Variants in MTMR7 observed in about 807,000 individuals in gnomAD.
MTMR7 encodes the protein myotubularin related protein 7.
A neutral mutation model predicts 81.2 loss-of-function variants in MTMR7; 76 were observed. That is an observed-to-expected ratio of 0.94 (90% CI 0.78 to 1.13). The LOEUF is 1.13. Among genes scored for constraint, MTMR7 ranks in the 50% most tolerant of loss-of-function variants. The pLI is 0.00. For missense variants in MTMR7, 1,044 were observed against 820.0 expected (o/e 1.27, Z -3.34); for synonymous variants, 372 against 289.8 (o/e 1.28, Z -2.88).
chr8:17,313,169 A>G, intron 8 of MTMR7, 123 bp downstream of exon 8: 2 of 613,584 alleles, frequency 3.3e-6, no homozygotes, highest in Admixed American at 2.8e-5. Flanking sequence ...AGCTCTACAA[A>G]GCTGGCTATC....
intron 12 of MTMR7, 89 bp from the exon 13 acceptor site, chr8:17,302,369 C>A: frequency 7.3e-7 from 1 of 1,371,566 alleles, no homozygotes; most frequent in South Asian, 1.5e-5. Context: ...TATGATACCA[C>A]AGTCTTAATA....
intron 5 of MTMR7, among the ~76,000 whole-genome samples, chr8:17,345,406 T>C (rs751720010): frequency 6.6e-6 from 1 of 152,226 alleles, no homozygotes; most frequent in Non-Finnish European, 1.5e-5. Context: ...CTCCTGATAC[T>C]ACACAGCCTG....
intron 12 of MTMR7, among the ~76,000 whole-genome samples, chr8:17,304,025 A>G (rs908931819): frequency 1.1e-4 from 16 of 152,332 alleles, no homozygotes; most frequent in African/African-American, 3.4e-4. Flanking sequence ...TTTTGCTCCA[A>G]CCTTAACACG....
At chr8:17,345,714 C>T (rs1819534231) in intron 5 of MTMR7, among the ~76,000 whole-genome samples, 1 of 152,228 alleles carries the variant, frequency 6.6e-6, no homozygotes, top group Middle Eastern at 3.2e-3. Context: ...AAGATGGACC[C>T]TCCACAGGGG....
At chr8:17,306,502 T>C (rs1161857581) in intron 10 of MTMR7, among the ~76,000 whole-genome samples, 2 of 152,204 alleles carry the variant, frequency 1.3e-5, no homozygotes, top group African/African-American at 4.8e-5. Flanking sequence ...CATGTATTTT[T>C]CTTTTATCTC....
intron 1 of MTMR7, among the ~76,000 whole-genome samples, chr8:17,396,587 G>A (rs1392435463): frequency 2.6e-5 from 4 of 152,118 alleles, no homozygotes; most frequent in Admixed American, 1.3e-4. Context: ...TTGAATTCTG[G>A]CAAGCCTCAC....
rs549356732 is a variant in MTMR7, at chr8:17,325,568, G to A, written c.865+5582C>T. On this transcript the variant is annotated intron_variant, in intron 7 of 13. Coordinates refer to ENST00000180173, the MANE Select transcript of MTMR7 (RefSeq NM_004686.5). ...TCATTCAGTCCCTGACCGTACGATC[G>A]CCCACATGCCTGAGCTGACGCGGGG... 6.6e-5 allele frequency among the ~76,000 whole-genome samples: 10 copies of A among 152,216 alleles called. No homozygotes were observed. The South Asian group carries it at 1.2e-3, about 19-fold the overall frequency.
intron 12 of MTMR7, among the ~76,000 whole-genome samples, chr8:17,303,269 G>A (rs1412775561): frequency 6.6e-6 from 1 of 152,056 alleles, no homozygotes; most frequent in African/African-American, 2.4e-5. Context: ...CTTAAAACTT[G>A]TCTTACATGC....
chr8:17,377,151 T>A (rs566741194), intron 1 of MTMR7, among the ~76,000 whole-genome samples: 1 of 152,254 alleles, frequency 6.6e-6, no homozygotes, highest in East Asian at 1.9e-4. Context: ...TATGATTACA[T>A]CAATTAATCA....
intron 4 of MTMR7, among the ~76,000 whole-genome samples, chr8:17,356,961 C>A (rs1216450603): frequency 2.0e-5 from 3 of 152,128 alleles, no homozygotes; most frequent in Admixed American, 6.5e-5. Flanking sequence ...TCTATATACT[C>A]TCTAGCTCAT....
At chr8:17,328,032 A>G (rs1304084136) in intron 7 of MTMR7, among the ~76,000 whole-genome samples, 16 of 152,230 alleles carry the variant, frequency 1.1e-4, no homozygotes. Context: ...ACATTGATGA[A>G]TAAGTGGTCA....
At position 17,298,557 on chromosome 8, in the gene MTMR7, G is replaced by C. The variant is rs1379543670; in HGVS notation, c.*1305C>G. The C allele has an allele frequency of 6.6e-6, 1 of 152,192 alleles. No individual in the cohort carries two copies. The highest frequency in any genetic ancestry group is 2.4e-5 in the African/African-American group (1 of 41,330). The allele number at this position is 152,192 out of a possible 1,614,324, so 9.4% of individuals were successfully genotyped here. The stretch of plus-strand genomic sequence containing the variant: ...ATAATTCTCCCATTAAAAAAAATCA[G>C]ATATTCAAAATATTGATGTAAATTG... On this transcript the variant is annotated 3_prime_UTR_variant, in exon 14 of 14. Coordinates refer to ENST00000180173, the MANE Select transcript of MTMR7 (RefSeq NM_004686.5).
chr8:17,301,405 C>G (rs529079867), intron 13 of MTMR7, among the ~76,000 whole-genome samples: 1 of 152,250 alleles, frequency 6.6e-6, no homozygotes, highest in African/African-American at 2.4e-5. Flanking sequence ...GTAAGCATTC[C>G]TGACAGGAGT....
chr8:17,408,622 T>C (rs1275506119), intron 1 of MTMR7, among the ~76,000 whole-genome samples: 1 of 151,954 alleles, frequency 6.6e-6, no homozygotes, highest in African/African-American at 2.4e-5. Context: ...GATAAGACAA[T>C]GAATGAGGTA....
intron 8 of MTMR7, among the ~76,000 whole-genome samples, chr8:17,312,556 CAG>C (rs1309269404): frequency 8.7e-6 from 1 of 115,170 alleles, no homozygotes; most frequent in Non-Finnish European, 1.6e-5. Context: ...GCCTGGGTGA[CAG>C]AGCGAGACTC....
intron 3 of MTMR7, 78 bp from the exon 4 acceptor site, chr8:17,361,352 C>G: frequency 6.5e-7 from 1 of 1,541,098 alleles, no homozygotes; most frequent in Non-Finnish European, 8.9e-7. Flanking sequence ...CATTCTGTCC[C>G]ACCTGGAGTG....
intron 4 of MTMR7, among the ~76,000 whole-genome samples, chr8:17,352,427 T>G (rs1181914234): frequency 6.6e-6 from 1 of 152,092 alleles, no homozygotes; most frequent in Non-Finnish European, 1.5e-5. Context: ...GGTCATATCT[T>G]GTACTATATA....
intron 1 of MTMR7, among the ~76,000 whole-genome samples, chr8:17,402,161 T>C (rs992150114): frequency 6.6e-6 from 1 of 152,202 alleles, no homozygotes; most frequent in African/African-American, 2.4e-5. Context: ...GATACTTTGA[T>C]ACAGGCATGC....
intron 1 of MTMR7, among the ~76,000 whole-genome samples, chr8:17,377,625 G>C (rs1427351514): frequency 2.6e-5 from 4 of 152,036 alleles, no homozygotes; most frequent in Non-Finnish European, 5.9e-5. Context: ...CAGTCAGTTT[G>C]TTAACTGTCA....
Sources: allele counts gnomAD v4.1 joint callset (sites outside exome capture counted in the v4.1 genomes callset), GRCh38; gene constraint gnomAD v4.1.1; transcripts MANE v1.5; gene names NCBI Gene and HGNC (gene_info 2026-07-23, HGNC 2026-07-21).